The following FAM171A1 variants were observed in gnomAD, a reference collection of about 807,000 sequenced individuals.
FAM171A1 encodes the protein protein FAM171A1.
In FAM171A1, 23 loss-of-function variants were observed where a neutral mutation model predicts 74.9. The observed-to-expected ratio is 0.31, with a 90% CI of 0.22 to 0.44. The LOEUF is 0.44. Among genes scored for constraint, FAM171A1 ranks in the 20% least tolerant of loss-of-function variants. The pLI is 1.00. For synonymous variants in FAM171A1, 527 were observed against 505.7 expected, an observed-to-expected ratio of 1.04 and a Z score of -0.57; for missense variants, 1,162 against 1,159.2, an observed-to-expected ratio of 1.00 and a Z score of -0.03.
chr10:15,215,538 G>C (rs1193281962), intron 7 of FAM171A1, among the ~76,000 whole-genome samples: 1 of 152,076 alleles, frequency 6.6e-6, no homozygotes, highest in African/African-American at 2.4e-5. Context: ...GCTAATTTTT[G>C]TATTTTTGGT....
chr10:15,338,802 G>A (rs536751467), intron 1 of FAM171A1, among the ~76,000 whole-genome samples: 7 of 152,250 alleles, frequency 4.6e-5, no homozygotes, highest in South Asian at 4.1e-4. Context: ...ATGCAGTAGC[G>A]TGATCTTGGC....
chr10:15,348,855 CTT>C (rs1835846809), intron 1 of FAM171A1, among the ~76,000 whole-genome samples: 1 of 152,214 alleles, frequency 6.6e-6, no homozygotes, highest in Non-Finnish European at 1.5e-5. Context: ...CAGGAAGTGA[CTT>C]TCACTGTACT....
intron 3 of FAM171A1, among the ~76,000 whole-genome samples, chr10:15,264,059 A>G (rs1371438194): frequency 6.6e-6 from 1 of 152,040 alleles, no homozygotes; most frequent in Admixed American, 6.6e-5. Flanking sequence ...GCTCACTGCA[A>G]CCTTGAACTC....
chr10:15,259,077 C>T, intron 3 of FAM171A1, among the ~76,000 whole-genome samples: 1 of 152,182 alleles, frequency 6.6e-6, no homozygotes, highest in Non-Finnish European at 1.5e-5. Flanking sequence ...TAACAATATT[C>T]CAGTCTCCCC....
At chr10:15,257,597 C>T (rs2131772830) in intron 3 of FAM171A1, among the ~76,000 whole-genome samples, 1 of 152,164 alleles carries the variant, frequency 6.6e-6, no homozygotes, top group Non-Finnish European at 1.5e-5. Flanking sequence ...GGGCTGGGGG[C>T]TGGGGGTATG....
At chr10:15,256,893 G>A (rs937708289) in intron 3 of FAM171A1, among the ~76,000 whole-genome samples, 2 of 152,122 alleles carry the variant, frequency 1.3e-5, no homozygotes, top group Non-Finnish European at 2.9e-5. Flanking sequence ...CTCCAGGATG[G>A]AAGGTCAAAG....
At chr10:15,279,676 T>C in intron 2 of FAM171A1, among the ~76,000 whole-genome samples, 1 of 152,086 alleles carries the variant, frequency 6.6e-6, no homozygotes, top group East Asian at 1.9e-4. Context: ...TCTCAGCACT[T>C]TGGGAGTCCA....
At chr10:15,306,785 A>G (rs934445089) in intron 1 of FAM171A1, among the ~76,000 whole-genome samples, 1 of 152,212 alleles carries the variant, frequency 6.6e-6, no homozygotes, top group Non-Finnish European at 1.5e-5. Flanking sequence ...AAGTACAACT[A>G]TCTGCAGCCA....
intron 7 of FAM171A1, among the ~76,000 whole-genome samples, chr10:15,215,788 G>A (rs915144419): frequency 2.6e-5 from 4 of 152,018 alleles, no homozygotes; most frequent in Admixed American, 6.6e-5. Flanking sequence ...TCTAAGCAAT[G>A]TTATCCACGC....
chr10:15,354,396 T>C lies in FAM171A1; in HGVS notation c.97+16560A>G, dbSNP rs112834234. On this transcript the variant is annotated intron_variant, in intron 1 of 7. Coordinates refer to ENST00000378116, the MANE Select transcript of FAM171A1 (RefSeq NM_001010924.2). Reference sequence around the variant, plus strand: ...CTGTAGTCTCAGCTATTCAGAAGGCTGAGCCAGGAGAACTGCTTGAACCCG... The same window carrying C: ...CTGTAGTCTCAGCTATTCAGAAGGCCGAGCCAGGAGAACTGCTTGAACCCG... Among the ~76,000 whole-genome samples, 372 of 152,078 alleles carry C rather than the reference T, an allele frequency of 2.4e-3. 1 individual carries two copies. Among genetic ancestry groups the C allele is most frequent in the African/African-American group, 7.9e-3 (328 of 41,476 alleles).
chr10:15,235,810 C>A (rs536204076), intron 5 of FAM171A1, among the ~76,000 whole-genome samples: 1 of 152,140 alleles, frequency 6.6e-6, no homozygotes, highest in Admixed American at 6.5e-5. Context: ...CTCAAAGAAG[C>A]GGTCTGGATC....
chr10:15,290,101 G>A (rs187528031), intron 1 of FAM171A1, among the ~76,000 whole-genome samples: 46 of 152,184 alleles, frequency 3.0e-4, no homozygotes, highest in Non-Finnish European at 2.9e-4. Flanking sequence ...GGTAGTACAC[G>A]CTTGTAGTCT....
rs774507121 is a variant in FAM171A1 at position 15,330,429 on chromosome 10, TG to T, written c.97+40526del. Among the ~76,000 whole-genome samples, 21 of 152,180 alleles carry T rather than the reference TG, an allele frequency of 1.4e-4. No homozygotes were observed. In the East Asian group the frequency reaches 4.1e-3, roughly 29 times the overall value. The stretch of plus-strand genomic sequence containing the variant: ...CTTTGGGAGTCATGGAATAGGTAAA[TG>T]CAAGTAGAAGAGAAAAAGCAGATGT... On this transcript the variant is annotated intron_variant, in intron 1 of 7. Coordinates refer to ENST00000378116, the MANE Select transcript of FAM171A1 (RefSeq NM_001010924.2).
At chr10:15,284,757 C>T (rs889521333) in intron 1 of FAM171A1, among the ~76,000 whole-genome samples, 21 of 152,064 alleles carry the variant, frequency 1.4e-4, no homozygotes, top group Non-Finnish European at 2.8e-4. Context: ...ACAGTAAGGG[C>T]ACAGTGGGCC....
At chr10:15,273,218 C>G (rs1834850024) in intron 3 of FAM171A1, among the ~76,000 whole-genome samples, 1 of 152,042 alleles carries the variant, frequency 6.6e-6, no homozygotes, top group African/African-American at 2.4e-5. Context: ...GTATCACCGC[C>G]AATTCCACAG....
chr10:15,269,990 G>A (rs978666716), intron 3 of FAM171A1, among the ~76,000 whole-genome samples: 7 of 152,154 alleles, frequency 4.6e-5, no homozygotes, highest in African/African-American at 1.7e-4. Context: ...TGCAGAAGAC[G>A]GGTGATTTCT....
intron 1 of FAM171A1, among the ~76,000 whole-genome samples, chr10:15,289,039 C>A (rs908371202): frequency 1.3e-5 from 2 of 152,036 alleles, no homozygotes; most frequent in African/African-American, 4.8e-5. Flanking sequence ...TCAGGCTGGT[C>A]TCAAACTCCT....
chr10:15,351,603 GGATGGATGCATGGATGGATGCATGGATA>G (rs2131880285), intron 1 of FAM171A1, among the ~76,000 whole-genome samples: 2 of 151,484 alleles, frequency 1.3e-5, no homozygotes, highest in African/African-American at 2.4e-5. Context: ...ATGCATGGAT[GGATGGATGCATGGATGGATGCATGGATA>G]GATGGATGCA....
At chr10:15,247,995 C>A (rs895772577) in intron 5 of FAM171A1, among the ~76,000 whole-genome samples, 2 of 152,132 alleles carry the variant, frequency 1.3e-5, no homozygotes, top group African/African-American at 4.8e-5. Context: ...GCTTGACAGC[C>A]GCCTTGTAAG....
Sources: gnomAD v4.1 joint callset for allele counts (sites outside exome capture counted in the v4.1 genomes callset) on GRCh38, gnomAD v4.1.1 for gene constraint, MANE v1.5 for transcripts, NCBI Gene and HGNC (gene_info 2026-07-23, HGNC 2026-07-21) for gene names.